Variants in TM4SF5 observed in about 807,000 individuals in gnomAD.
The protein encoded by TM4SF5 is transmembrane 4 L6 family member 5.
Under a neutral mutation model 22.3 loss-of-function variants are expected in TM4SF5, and 16 were observed. That is an observed-to-expected ratio of 0.72 (90% CI 0.49 to 1.09). The LOEUF (loss-of-function observed/expected upper bound fraction) is 1.09. Ranked by LOEUF, TM4SF5 falls within the 50% of genes least tolerant of loss-of-function variation. The pLI is 0.00. For missense variants in TM4SF5, 249 were observed against 266.1 expected (o/e 0.94, Z 0.45); for synonymous variants, 113 against 109.6 (o/e 1.03, Z -0.19).
chr17:4,773,991 C>G lies in TM4SF5; in HGVS notation c.177+1892C>G, dbSNP rs572928772. Among the ~76,000 whole-genome samples the G allele has an allele frequency of 2.0e-5, 3 of 152,230 alleles. No homozygotes were observed. The East Asian group carries it at 5.8e-4, about 29-fold the overall frequency. ...AACACTTTGGGAGGCCGAGGCGGGC[C>G]AATCACCTGAGGTCAGGAGTTCAAG... On this transcript the variant is annotated intron_variant, in intron 1 of 4. Transcript: ENST00000270560.
chr17:4,771,946 C>T lies in TM4SF5; in HGVS notation c.24C>T (p.Arg8=). The part of the protein sequence containing the change: MCTGKCA[R]CVGLSLITLC... ...CCATGTGTACGGGAAAATGTGCCCGCTGTGTGGGGCTCTCCCTCATTACCC... is the reference window on the plus strand; with the variant it reads ...CCATGTGTACGGGAAAATGTGCCCGTTGTGTGGGGCTCTCCCTCATTACCC... Residue 8 remains arginine, a synonymous_variant, in exon 1 of 5, where the codon CGC becomes CGT. Coordinates refer to ENST00000270560, the MANE Select transcript of TM4SF5 (RefSeq NM_003963.3). 6.2e-7 allele frequency: 1 copy of T among 1,614,218 alleles called. No homozygotes were observed. The highest frequency in any genetic ancestry group is 8.5e-7 in the Non-Finnish European group (1 of 1,180,036).
rs145270928 is a variant in TM4SF5, at chr17:4,780,789, G to A, written c.178G>A (p.Val60Ile). Residue 60 changes from valine (V) to isoleucine (I), a missense_variant and splice_region_variant, in exon 2 of 5, where the codon GTA (valine) becomes ATA (isoleucine). Transcript: ENST00000270560. ...MGGFIGGGLMVLCPGIAAVRA... is the reference protein window; with the variant it reads ...MGGFIGGGLMILCPGIAAVRA... ...TATAACAATGACTCTTGTCCCACAG[G>A]TACTGTGTCCGGGGATTGCAGCCGT... 3.8e-4 allele frequency: 616 copies of A among 1,609,766 alleles called. 3 individuals are homozygous for A. The highest frequency in any genetic ancestry group is 1.3e-4 in the East Asian group (6 of 44,590).
intron 1 of TM4SF5, among the ~76,000 whole-genome samples, chr17:4,772,974 C>G (rs1385226138): frequency 6.6e-6 from 1 of 152,040 alleles, no homozygotes; most frequent in African/African-American, 2.4e-5. Flanking sequence ...GCGCCATCTC[C>G]GTTCACTGCA....
chr17:4,772,657 G>T (rs927471090), intron 1 of TM4SF5, among the ~76,000 whole-genome samples: 1 of 152,028 alleles, frequency 6.6e-6, no homozygotes, highest in Non-Finnish European at 1.5e-5. Flanking sequence ...GTCGTCTTCC[G>T]GGAGATGAGA....
At chr17:4,777,510 G>A (rs1403037452) in intron 1 of TM4SF5, among the ~76,000 whole-genome samples, 2 of 152,134 alleles carry the variant, frequency 1.3e-5, no homozygotes, top group African/African-American at 2.4e-5. Context: ...GGAGGTGGAG[G>A]CAGGAGAATC....
At chr17:4,781,913 C>T (rs186113497) in intron 2 of TM4SF5, among the ~76,000 whole-genome samples, 12 of 151,858 alleles carry the variant, frequency 7.9e-5, no homozygotes, top group African/African-American at 2.2e-4. Context: ...GGTTGTAGTT[C>T]CCCCCTCTCC....
At chr17:4,779,248 G>A (rs2150647065) in intron 1 of TM4SF5, among the ~76,000 whole-genome samples, 1 of 151,958 alleles carries the variant, frequency 6.6e-6, no homozygotes, top group African/African-American at 2.4e-5. Context: ...TGAGCAAATA[G>A]CAAGACCCCA....
intron 1 of TM4SF5, among the ~76,000 whole-genome samples, chr17:4,772,528 A>G (rs1597295995): frequency 6.6e-6 from 1 of 151,920 alleles, no homozygotes; most frequent in Non-Finnish European, 1.5e-5. Flanking sequence ...CGGATCAGTC[A>G]CCCTCGCTTG....
intron 3 of TM4SF5, 92 bp downstream of exon 3, chr17:4,782,731 TTCGAGGGCAC>T: frequency 6.3e-7 from 1 of 1,581,568 alleles, no homozygotes; most frequent in Non-Finnish European, 8.6e-7. Flanking sequence ...GGGACTCGAC[TTCGAGGGCAC>T]TCGCTCCACG....
At chr17:4,782,664 C>G (rs1476802711) in intron 3 of TM4SF5, 25 bp downstream of exon 3, 1 of 1,612,742 alleles carries the variant, frequency 6.2e-7, no homozygotes, top group South Asian at 1.1e-5. Flanking sequence ...GTATTCGTGT[C>G]CTCCATTCTC....
rs139522292 is a variant in TM4SF5 at position 4,782,270 on chromosome 17, G to A, written c.259-233G>A. Among the ~76,000 whole-genome samples the A allele has an allele frequency of 6.7e-3, 1,017 of 152,002 alleles. 11 individuals are homozygous for A. The highest frequency in any genetic ancestry group is 0.024 in the African/African-American group (980 of 41,456). On this transcript the variant is annotated intron_variant, in intron 2 of 4. Coordinates refer to ENST00000270560, the MANE Select transcript of TM4SF5 (RefSeq NM_003963.3). ...ATTTTTGTATTTTCAGTAAAGACAA[G>A]GTTTCTCCATGTTGGCCAGGCTGGT...
At chr17:4,774,628 C>A (rs1242761561) in intron 1 of TM4SF5, among the ~76,000 whole-genome samples, 1 of 152,168 alleles carries the variant, frequency 6.6e-6, no homozygotes, top group African/African-American at 2.4e-5. Flanking sequence ...GTACCATCGG[C>A]CGGGCGCAGT....
intron 1 of TM4SF5, among the ~76,000 whole-genome samples, chr17:4,774,309 A>G (rs1229041629): frequency 6.6e-6 from 1 of 152,172 alleles, no homozygotes; most frequent in Non-Finnish European, 1.5e-5. Context: ...TGGTAAGGCC[A>G]CCAGTCTCAC....
At chr17:4,772,618 G>A (rs1339439838) in intron 1 of TM4SF5, among the ~76,000 whole-genome samples, 1 of 152,152 alleles carries the variant, frequency 6.6e-6, no homozygotes, top group East Asian at 1.9e-4. Context: ...TCAGAACTTA[G>A]GTCAGTATGG....
At chr17:4,781,479 G>A (rs944490947) in intron 2 of TM4SF5, among the ~76,000 whole-genome samples, 9 of 151,636 alleles carry the variant, frequency 5.9e-5, no homozygotes, top group African/African-American at 9.7e-5. Context: ...GCAAAACTCC[G>A]CCTCAAAAAA....
At chr17:4,780,174 G>GC (rs1275462673) in intron 1 of TM4SF5, among the ~76,000 whole-genome samples, 1 of 150,558 alleles carries the variant, frequency 6.6e-6, no homozygotes, top group African/African-American at 2.4e-5. Flanking sequence ...TCCTGCCTCA[G>GC]CCCCCCGAGT....
At position 4,780,775 on chromosome 17, in the gene TM4SF5, C is replaced by T. The variant is rs759342779; in HGVS notation, c.178-14C>T. ...CTGGGGGGACGTGCTATAACAATGACTCTTGTCCCACAGGTACTGTGTCCG... is the reference window on the plus strand; with the variant it reads ...CTGGGGGGACGTGCTATAACAATGATTCTTGTCCCACAGGTACTGTGTCCG... On this transcript the variant is annotated splice_polypyrimidine_tract_variant and intron_variant, in intron 1 of 4. Coordinates refer to ENST00000270560, the MANE Select transcript of TM4SF5 (RefSeq NM_003963.3). The T allele has an allele frequency of 1.9e-6, 3 of 1,604,998 alleles. No homozygotes were observed. The highest frequency in any genetic ancestry group is 1.3e-5 in the African/African-American group (1 of 74,680).
intron 1 of TM4SF5, among the ~76,000 whole-genome samples, chr17:4,772,718 G>GT (rs748501797): frequency 0.14 from 20,363 of 140,506 alleles, 1,604 homozygotes; most frequent in Admixed American, 0.18. Context: ...TTTGTTTTTT[G>GT]TTTTTTTTTT....
At chr17:4,776,786 A>G (rs1455195152) in intron 1 of TM4SF5, among the ~76,000 whole-genome samples, 2 of 152,220 alleles carry the variant, frequency 1.3e-5, no homozygotes, top group Non-Finnish European at 2.9e-5. Flanking sequence ...AGATATTGCC[A>G]GTTTTCTGTA....
Sources: allele counts gnomAD v4.1 joint callset (sites outside exome capture counted in the v4.1 genomes callset), GRCh38; gene constraint gnomAD v4.1.1; transcripts MANE v1.5; gene names NCBI Gene and HGNC (gene_info 2026-07-23, HGNC 2026-07-21).